PACRG: variants seen among roughly 807,000 people sequenced by gnomAD.
The protein encoded by PACRG is parkin coregulated.
Under a neutral mutation model 29.7 loss-of-function variants are expected in PACRG, and 29 were observed. That is an observed-to-expected ratio of 0.98 (90% confidence interval 0.73 to 1.33). The LOEUF is 1.33. PACRG is among the 40% of genes most tolerant of loss of function. PACRG has a pLI of 0.00. For missense variants in PACRG, 279 were observed against 316.2 expected (o/e 0.88, Z 0.89); for synonymous variants, 116 against 118.7 (o/e 0.98, Z 0.15).
At chr6:163,066,197 A>T (rs1274305289) in intron 3 of PACRG, among the ~76,000 whole-genome samples, 3 of 152,240 alleles carry the variant, frequency 2.0e-5, no homozygotes, top group Non-Finnish European at 4.4e-5. Context: ...CAGGGGAAAA[A>T]GCAATACAAC....
intron 2 of PACRG, among the ~76,000 whole-genome samples, chr6:163,054,427 C>T (rs1585103659): frequency 6.6e-6 from 1 of 152,294 alleles, no homozygotes; most frequent in South Asian, 2.1e-4. Context: ...CTTCCAGCCT[C>T]CAGAACTGTG....
intron 1 of PACRG, among the ~76,000 whole-genome samples, chr6:162,785,475 C>T (rs1359952814): frequency 1.3e-5 from 2 of 151,650 alleles, no homozygotes; most frequent in African/African-American, 4.9e-5. Context: ...CCTGCACACC[C>T]AGTTCTGATG....
chr6:163,090,586 A>G (rs1055282619), intron 4 of PACRG, among the ~76,000 whole-genome samples: 1 of 152,162 alleles, frequency 6.6e-6, no homozygotes, highest in Admixed American at 6.5e-5. Flanking sequence ...TTTAGTAACA[A>G]TATTACTACA....
At chr6:162,876,317 T>C (rs6924844) in intron 2 of PACRG, among the ~76,000 whole-genome samples, 23,273 of 152,204 alleles carry the variant, frequency 0.15, 2,179 homozygotes, top group East Asian at 0.33. Context: ...CATCACTCTC[T>C]TCCTGCTGTC....
intron 1 of PACRG, among the ~76,000 whole-genome samples, chr6:162,765,219 A>G (rs1267557622): frequency 6.6e-6 from 1 of 152,034 alleles, no homozygotes; most frequent in Non-Finnish European, 1.5e-5. Flanking sequence ...CAAGGCTAAG[A>G]TGCATTTTGA....
chr6:162,884,704 AAC>A (rs1379689079), intron 2 of PACRG, among the ~76,000 whole-genome samples: 2 of 151,868 alleles, frequency 1.3e-5, no homozygotes, highest in Admixed American at 6.5e-5. Context: ...AATATAAAAT[AAC>A]AGTGTTAACA....
At chr6:162,865,201 C>T (rs187599675) in intron 2 of PACRG, among the ~76,000 whole-genome samples, 90 of 152,294 alleles carry the variant, frequency 5.9e-4, no homozygotes, top group Admixed American at 1.4e-3. Flanking sequence ...TATTTAAGAC[C>T]TCACAGCTGC....
chr6:162,791,661 C>T (rs1784958167), intron 1 of PACRG, among the ~76,000 whole-genome samples: 1 of 152,136 alleles, frequency 6.6e-6, no homozygotes, highest in African/African-American at 2.4e-5. Flanking sequence ...TGTACTAGCT[C>T]CACGTGGGCG....
At chr6:163,025,464 C>T (rs898087474) in intron 2 of PACRG, among the ~76,000 whole-genome samples, 1 of 152,084 alleles carries the variant, frequency 6.6e-6, no homozygotes, top group African/African-American at 2.4e-5. Context: ...AGAGTGATAT[C>T]AAGAGCACAA....
At chr6:162,814,812 C>T (rs1787192091) in intron 2 of PACRG, among the ~76,000 whole-genome samples, 1 of 152,188 alleles carries the variant, frequency 6.6e-6, no homozygotes, top group Admixed American at 6.5e-5. Flanking sequence ...CACACGTGCC[C>T]TGTTAGAGGC....
At chr6:162,848,750 A>C (rs182471003) in intron 2 of PACRG, among the ~76,000 whole-genome samples, 1 of 152,252 alleles carries the variant, frequency 6.6e-6, no homozygotes, top group Non-Finnish European at 1.5e-5. Context: ...CAATTGGATA[A>C]TAATCACTTA....
intron 4 of PACRG, among the ~76,000 whole-genome samples, chr6:163,241,981 C>T (rs566726477): frequency 6.6e-6 from 1 of 152,288 alleles, no homozygotes; most frequent in South Asian, 2.1e-4. Flanking sequence ...CAAAAACAGT[C>T]ATGTCACTGC....
rs141183311 is a variant in PACRG, at chr6:162,961,653, C to T, written c.292-100497C>T. Among the ~76,000 whole-genome samples the T allele has an allele frequency of 1.9e-3, 284 of 152,284 alleles. 1 individual carries two copies. The highest frequency in any genetic ancestry group is 6.4e-3 in the African/African-American group (265 of 41,558). ...TCCTCATTTTGAATGGTGGCACCACCTTCTGCCCAGTCACTTAGGACTGGA... is the reference window on the plus strand; with the variant it reads ...TCCTCATTTTGAATGGTGGCACCACTTTCTGCCCAGTCACTTAGGACTGGA... On this transcript the variant is annotated intron_variant, in intron 2 of 4. Transcript: ENST00000366888.
chr6:163,124,911 T>C (rs546268284), intron 4 of PACRG, among the ~76,000 whole-genome samples: 1 of 152,344 alleles, frequency 6.6e-6, no homozygotes, highest in South Asian at 2.1e-4. Context: ...TTTCACATCC[T>C]TCAAAATGTA....
chr6:162,775,592 C>A (rs1783581912), intron 1 of PACRG, among the ~76,000 whole-genome samples: 1 of 152,066 alleles, frequency 6.6e-6, no homozygotes, highest in Non-Finnish European at 1.5e-5. Flanking sequence ...GAGATTTAAC[C>A]ATAAAATGTA....
intron 2 of PACRG, among the ~76,000 whole-genome samples, chr6:163,029,234 C>G (rs550558253): frequency 3.3e-5 from 5 of 152,224 alleles, no homozygotes; most frequent in Non-Finnish European, 5.9e-5. Flanking sequence ...CCAGCCTGAA[C>G]CAATGCAGCT....
chr6:162,954,137 T>C (rs1799850531), intron 2 of PACRG, among the ~76,000 whole-genome samples: 1 of 152,210 alleles, frequency 6.6e-6, no homozygotes, highest in South Asian at 2.1e-4. Context: ...TGCATTCTTA[T>C]TGTATGTTAG....
At chr6:162,987,558 A>G (rs1803012137) in intron 2 of PACRG, among the ~76,000 whole-genome samples, 1 of 152,124 alleles carries the variant, frequency 6.6e-6, no homozygotes, top group Non-Finnish European at 1.5e-5. Flanking sequence ...CAATTTCCCT[A>G]CATACACTCT....
At chr6:163,205,776 C>A (rs1780878416) in intron 4 of PACRG, among the ~76,000 whole-genome samples, 1 of 152,112 alleles carries the variant, frequency 6.6e-6, no homozygotes, top group Admixed American at 6.5e-5. Context: ...AAACAGATAA[C>A]CTACAGAATG....
Sources: allele counts gnomAD v4.1 joint callset (sites outside exome capture counted in the v4.1 genomes callset), GRCh38; gene constraint gnomAD v4.1.1; transcripts MANE v1.5; gene names NCBI Gene and HGNC (gene_info 2026-07-23, HGNC 2026-07-21).